SRRM2: variants seen among roughly 807,000 people sequenced by gnomAD.
SRRM2 encodes the protein serine/arginine repetitive matrix 2, also known as serine/arginine repetitive matrix protein 2.
Under a neutral mutation model 213.8 loss-of-function variants are expected in SRRM2, and 30 were observed. The observed-to-expected ratio is 0.14, with a 90% CI of 0.10 to 0.19. The LOEUF (loss-of-function observed/expected upper bound fraction) is 0.19. Among genes scored for constraint, SRRM2 ranks in the 10% least tolerant of loss-of-function variants. The probability of loss-of-function intolerance (pLI) is 1.00; values close to 1 mark genes in which losing one functional copy is unlikely to be tolerated. For synonymous variants in SRRM2, 2,025 were observed against 1,377.7 expected (o/e 1.47, Z -10.40); for missense variants, 4,904 against 3,647.0 (o/e 1.34, Z -8.88).
Position 2,768,985 on chromosome 16 carries a change from C to G in SRRM2, c.7734-12C>G. 1 of 1,612,214 alleles carries G rather than the reference C, an allele frequency of 6.2e-7. No homozygotes were observed. The highest frequency in any genetic ancestry group is 1.3e-5 in the African/African-American group (1 of 74,972). On this transcript the variant is annotated splice_polypyrimidine_tract_variant and intron_variant, in intron 11 of 14. Coordinates refer to ENST00000301740, the MANE Select transcript of SRRM2 (RefSeq NM_016333.4). Reference sequence around the variant, plus strand: ...CAGCTTGTCTCCTTGTGACACTCCTCTCCTCCCACAGGGTCCCCAGCCCCA... The same window carrying G: ...CAGCTTGTCTCCTTGTGACACTCCTGTCCTCCCACAGGGTCCCCAGCCCCA...
chr16:2,768,193 CTCT>C lies in SRRM2; in HGVS notation c.7666_7668del (p.Ser2556del), dbSNP rs768156807. The C allele has an allele frequency of 2.3e-5, 37 of 1,608,576 alleles. No homozygotes were observed. Among genetic ancestry groups the C allele is most frequent in the Non-Finnish European group, 3.0e-5 (35 of 1,177,036 alleles). ...CATCGTCGTCGTCGTCCTCCTCCTCCTCTGGCTCCAGTTCTAGTGACTCAGAGG... is the reference window on the plus strand; with the variant it reads ...CATCGTCGTCGTCGTCCTCCTCCTCCGGCTCCAGTTCTAGTGACTCAGAGG... On this transcript the variant is annotated inframe_deletion, in exon 11 of 15. Coordinates refer to ENST00000301740, the MANE Select transcript of SRRM2 (RefSeq NM_016333.4).
Position 2,763,917 on chromosome 16 carries a change from G to T in SRRM2, c.3389G>T (p.Gly1130Val). 1.2e-6 allele frequency: 2 copies of T among 1,614,204 alleles called. No homozygotes were observed. Among genetic ancestry groups the T allele is most frequent in the Non-Finnish European group, 1.7e-6 (2 of 1,180,040 alleles). Residue 1130 changes from glycine (G) to valine (V), a missense_variant, in exon 11 of 15, where the codon GGA becomes GTA. Transcript: ENST00000301740. ...EFSASPMLKSGMSPEQSRFQS... is the reference protein window; with the variant it reads ...EFSASPMLKSVMSPEQSRFQS... The stretch of plus-strand genomic sequence containing the variant: ...TCAGCGAGTCCTATGTTGAAATCTG[G>T]AATGTCTCCTGAGCAGAGCAGGTTC...
At position 2,764,497 on chromosome 16, in the gene SRRM2, G is replaced by T; in HGVS notation, c.3969G>T (p.Arg1323Ser). The T allele has an allele frequency of 6.2e-7, 1 of 1,614,138 alleles. No individual in the cohort carries two copies. The highest frequency in any genetic ancestry group is 1.1e-5 in the South Asian group (1 of 91,076). ...AAGAACTGTCTAACTCCCCACTCAGGGAGAACAGCTTTGGATCACCTTTAG... is the reference window on the plus strand; with the variant it reads ...AAGAACTGTCTAACTCCCCACTCAGTGAGAACAGCTTTGGATCACCTTTAG... ...EHKELSNSPL[R>S]ENSFGSPLEF... Residue 1323 changes from arginine (R) to serine (S), a missense_variant, in exon 11 of 15, where the codon AGG becomes AGT. Coordinates refer to ENST00000301740, the MANE Select transcript of SRRM2 (RefSeq NM_016333.4).
Position 2,765,738 on chromosome 16 carries a change from A to G in SRRM2, c.5210A>G (p.Glu1737Gly), listed in dbSNP as rs750848429. The part of the protein sequence containing the change: ...SPSVSSPEPA[E>G]KSRSSRRRRS... The stretch of plus-strand genomic sequence containing the variant: ...TCAGTGTCTTCCCCGGAGCCAGCCG[A>G]AAAATCGAGGTCTTCACGCCGACGG... The change falls in exon 11 of 15, where the codon GAA (glutamate) becomes GGA (glycine). Residue 1737 changes from glutamate (E) to glycine (G), a missense_variant. Coordinates refer to ENST00000301740, the MANE Select transcript of SRRM2 (RefSeq NM_016333.4). 3 of 1,614,140 alleles carry G rather than the reference A, an allele frequency of 1.9e-6. No individual in the cohort carries two copies. The Admixed American group carries it at 5.0e-5, about 27-fold the overall frequency.
Position 2,765,916 on chromosome 16 carries a change from A to G in SRRM2, c.5388A>G (p.Ser1796=). ...GAGATAGGTCTGGATCTTCTCAGTC[A>G]ACCTCTCGGCGAAGACAGCGGAGCC... ...RRRDRSGSSQ[S]TSRRRQRSRS... is the part of the protein sequence containing the mutation. Residue 1796 remains serine, a synonymous_variant, in exon 11 of 15, where the codon TCA becomes TCG. Coordinates refer to ENST00000301740, the MANE Select transcript of SRRM2 (RefSeq NM_016333.4). The G allele has an allele frequency of 1.2e-6, 2 of 1,614,158 alleles. No homozygotes were observed. The highest frequency in any genetic ancestry group is 1.7e-6 in the Non-Finnish European group (2 of 1,180,028).
intron 5 of SRRM2, 96 bp from the exon 6 acceptor site, chr16:2,758,889 C>G (rs532212316): frequency 2.3e-5 from 32 of 1,374,872 alleles, no homozygotes; most frequent in East Asian, 9.5e-5. Context: ...TTAGGACATT[C>G]AAGTGTTTTA....
chr16:2,760,406 A>G lies in SRRM2; in HGVS notation c.939A>G (p.Pro313=). The change falls in exon 10 of 15, where the codon CCA becomes CCG. Residue 313 remains proline, a synonymous_variant. Coordinates refer to ENST00000301740, the MANE Select transcript of SRRM2 (RefSeq NM_016333.4). ...AGGGAGATGCGCCTTTCAGTGAACCAGGTACTACCAGCACACAACGGCCTA... is the reference window on the plus strand; with the variant it reads ...AGGGAGATGCGCCTTTCAGTGAACCGGGTACTACCAGCACACAACGGCCTA... ...RGEGDAPFSE[P]GTTSTQRPSS... is the part of the protein sequence containing the mutation. 1.2e-6 allele frequency: 2 copies of G among 1,614,186 alleles called. No homozygotes were observed.
chr16:2,766,543 G>A lies in SRRM2; in HGVS notation c.6015G>A (p.Arg2005=), dbSNP rs1240993397. The A allele has an allele frequency of 5.0e-6, 8 of 1,613,462 alleles. No homozygotes were observed. The highest frequency in any genetic ancestry group is 1.7e-5 in the Admixed American group (1 of 59,958). Residue 2005 remains arginine (R), a synonymous_variant, in exon 11 of 15, where the codon AGG becomes AGA. Coordinates refer to ENST00000301740, the MANE Select transcript of SRRM2 (RefSeq NM_016333.4). This position sits in a 1 kb window ranked among gnomAD's most constrained non-coding sequence, Gnocchi z 7.0. The part of the protein sequence containing the change: ...RSRTSPVTRR[R]SRSRTSPVTR... The stretch of plus-strand genomic sequence containing the variant: ...GCACATCTCCAGTAACTCGAAGAAG[G>A]TCCCGCTCTCGAACCTCACCAGTGA...
rs775492921 is a variant in SRRM2, at chr16:2,769,269, C to T, written c.8006C>T (p.Pro2669Leu). The T allele has an allele frequency of 1.9e-6, 3 of 1,562,232 alleles. No homozygotes were observed. The highest frequency in any genetic ancestry group is 2.6e-6 in the Non-Finnish European group (3 of 1,153,348). ...LPKPASPKKP[P>L]PGERRSRSPR... ...AAACCTGCAAGCCCCAAGAAGCCAC[C>T]CCCTGGCGAGCGGAGGTGAGTGCTG... The change falls in exon 12 of 15, where the codon CCC becomes CTC. Residue 2669 changes from proline (P) to leucine (L), a missense_variant. Coordinates refer to ENST00000301740, the MANE Select transcript of SRRM2 (RefSeq NM_016333.4).
Position 2,765,264 on chromosome 16 carries a change from C to G in SRRM2, c.4736C>G (p.Ser1579Cys), listed in dbSNP as rs763174307. The change falls in exon 11 of 15, where the codon TCT (serine) becomes TGT (cysteine). Residue 1579 changes from serine (S) to cysteine (C), a missense_variant. Physicochemically the swap from Ser to Cys is moderately radical, Grantham distance 112. Coordinates refer to ENST00000301740, the MANE Select transcript of SRRM2 (RefSeq NM_016333.4). ...ACCCCACTTCGGCAGAGGAGTCGGT[C>G]TGGATCATCTCCAGAGGTTGACAGC... ...TRTPLRQRSR[S>C]GSSPEVDSKS... 1.9e-6 allele frequency: 3 copies of G among 1,614,072 alleles called. No homozygotes were observed. The highest frequency in any genetic ancestry group is 2.2e-5 in the South Asian group (2 of 91,084).
chr16:2,756,100 A>G (rs1473197900), intron 1 of SRRM2, among the ~76,000 whole-genome samples: 2 of 152,152 alleles, frequency 1.3e-5, no homozygotes, highest in Non-Finnish European at 2.9e-5. Flanking sequence ...GTGCAAGGGC[A>G]TTGAGAGAAA....
In SRRM2 at chr16:2,764,407, G is replaced by A. The variant is rs749457272; in HGVS notation, c.3879G>A (p.Leu1293=). ...TLDQSQSQAS[L]EAVEVPSMAS... is the part of the protein sequence containing the mutation. ...ATCAGAGCCAGTCACAGGCTTCTTT[G>A]GAAGCAGTAGAAGTCCCTTCAATGG... The change falls in exon 11 of 15, where the codon TTG becomes TTA. Residue 1293 remains leucine (L), a synonymous_variant. Transcript: ENST00000301740. The A allele has an allele frequency of 6.2e-7, 1 of 1,613,070 alleles. No individual in the cohort carries two copies.
In SRRM2 at chr16:2,764,544, T is replaced by C; in HGVS notation, c.4016T>C (p.Leu1339Pro). ...TTAGAATTTAGAAACTCAGGCCCAC[T>C]TGGTACAGAAATGAATACTGGATTT... Reference protein sequence around the residue: ...SPLEFRNSGPLGTEMNTGFSS... With the variant: ...SPLEFRNSGPPGTEMNTGFSS... Residue 1339 changes from leucine to proline, a missense_variant, in exon 11 of 15, where the codon CTT becomes CCT. Coordinates refer to ENST00000301740, the MANE Select transcript of SRRM2 (RefSeq NM_016333.4). 6.2e-7 allele frequency: 1 copy of C among 1,614,216 alleles called. No homozygotes were observed. Among genetic ancestry groups the C allele is most frequent in the Non-Finnish European group, 8.5e-7 (1 of 1,180,044 alleles).
chr16:2,769,024 G>A lies in SRRM2; in HGVS notation c.7761G>A (p.Lys2587=). The A allele has an allele frequency of 1.2e-6, 2 of 1,614,050 alleles. No homozygotes were observed. Among genetic ancestry groups the A allele is most frequent in the Non-Finnish European group, 1.7e-6 (2 of 1,179,986 alleles). The stretch of plus-strand genomic sequence containing the variant: ...TCCCCAGCCCCACCCCAGCCCCAAA[G>A]GAGGCTGTTCGAGAGGGACGTCCTC... ...KRVPSPTPAP[K]EAVREGRPPE... is the part of the protein sequence containing the mutation. The change falls in exon 12 of 15, where the codon AAG becomes AAA. Residue 2587 remains lysine, a synonymous_variant. Coordinates refer to ENST00000301740, the MANE Select transcript of SRRM2 (RefSeq NM_016333.4).
chr16:2,759,829 C>T, intron 9 of SRRM2, 168 bp downstream of exon 9: 9 of 603,656 alleles, frequency 1.5e-5, no homozygotes, highest in Non-Finnish European at 2.6e-5. Flanking sequence ...CAGACATATA[C>T]ATTTCCCCTT....
Position 2,758,524 on chromosome 16 carries a change from G to A in SRRM2, c.570G>A (p.Lys190=), listed in dbSNP as rs971757478. 8 of 1,613,986 alleles carry A rather than the reference G, an allele frequency of 5.0e-6. No individual in the cohort carries two copies. The highest frequency in any genetic ancestry group is 1.3e-5 in the African/African-American group (1 of 74,894). ...SRSPTPKQKK[K]KKKKDRGRRS... Reference sequence around the variant, plus strand: ...CACCAACCCCAAAGCAGAAGAAGAAGAAAAAGAAGAAAGATAGAGGACGGT... The same window carrying A: ...CACCAACCCCAAAGCAGAAGAAGAAAAAAAAGAAGAAAGATAGAGGACGGT... Residue 190 remains lysine (K), a synonymous_variant, in exon 5 of 15, where the codon AAG becomes AAA. Coordinates refer to ENST00000301740, the MANE Select transcript of SRRM2 (RefSeq NM_016333.4).
At position 2,762,466 on chromosome 16, in the gene SRRM2, G is replaced by C. The variant is rs552127283; in HGVS notation, c.1938G>C (p.Arg646Ser). 5.3e-5 allele frequency: 85 copies of C among 1,613,832 alleles called. 1 individual carries two copies. Among genetic ancestry groups the C allele is most frequent in the South Asian group, 4.5e-4 (41 of 91,052 alleles). The change falls in exon 11 of 15, where the codon AGG becomes AGC. Residue 646 changes from arginine (R) to serine (S), a missense_variant. Transcript: ENST00000301740. ...GATCACCAGCCAGGAGAAGTGGCAGGTCACGCTCTAGAACCCCAGCTAGAC... is the reference window on the plus strand; with the variant it reads ...GATCACCAGCCAGGAGAAGTGGCAGCTCACGCTCTAGAACCCCAGCTAGAC... ...RSRSPARRSG[R>S]SRSRTPARRG...
At position 2,766,026 on chromosome 16, in the gene SRRM2, C is replaced by T. The variant is rs1180933150; in HGVS notation, c.5498C>T (p.Thr1833Ile). ...RSPARQESSR[T>I]SSRRRRGRSR... ...CCTGCCCGGCAGGAAAGTTCCCGGA[C>T]CTCCTCTCGACGCCGAAGAGGCCGC... Residue 1833 changes from threonine to isoleucine, a missense_variant, in exon 11 of 15, where the codon ACC (threonine) becomes ATC (isoleucine). Thr to Ile is a moderately conservative substitution (Grantham distance 89). Coordinates refer to ENST00000301740, the MANE Select transcript of SRRM2 (RefSeq NM_016333.4). This position sits in a 1 kb window ranked among gnomAD's most constrained non-coding sequence, Gnocchi z 7.0. The T allele has an allele frequency of 3.7e-6, 6 of 1,614,048 alleles. No individual in the cohort carries two copies. Among genetic ancestry groups the T allele is most frequent in the African/African-American group, 2.7e-5 (2 of 74,914 alleles).
Position 2,763,421 on chromosome 16 carries a change from C to A in SRRM2, c.2893C>A (p.Pro965Thr). 6.2e-7 allele frequency: 1 copy of A among 1,614,184 alleles called. No homozygotes were observed. Among genetic ancestry groups the A allele is most frequent in the Non-Finnish European group, 8.5e-7 (1 of 1,180,028 alleles). ...CTCCAATGTGGAATCCAGATTGTTG[C>A]CAAGATACAGTCATTCTGGGTCCTC... ...PCSNVESRLL[P>T]RYSHSGSSSP... Residue 965 changes from proline (P) to threonine (T), a missense_variant, in exon 11 of 15, where the codon CCA becomes ACA. Coordinates refer to ENST00000301740, the MANE Select transcript of SRRM2 (RefSeq NM_016333.4).
Sources: gnomAD v4.1 joint callset for allele counts (sites outside exome capture counted in the v4.1 genomes callset) on GRCh38, gnomAD v4.1.1 for gene constraint, Gnocchi (gnomAD v3.1) non-coding constraint, MANE v1.5 for transcripts, NCBI Gene and HGNC (gene_info 2026-07-23, HGNC 2026-07-21) for gene names.